Variants in P2RY6 observed in about 807,000 individuals in gnomAD.
P2RY6 encodes the protein P2Y purinoceptor 6.
A neutral mutation model predicts 16.3 loss-of-function variants in P2RY6; 19 were observed. That is an observed-to-expected ratio of 1.16 (90% CI 0.81 to 1.71). The LOEUF (loss-of-function observed/expected upper bound fraction) is 1.71, where lower values mean the gene tolerates loss of function less well. P2RY6 is among the 40% of genes most tolerant of loss of function. The pLI is 0.00. For synonymous variants in P2RY6, 184 were observed against 201.5 expected (o/e 0.91, Z 0.74); for missense variants, 389 against 455.5 (o/e 0.85, Z 1.33).
At chr11:73,275,710 T>C (rs1039025765) in intron 1 of P2RY6, among the ~76,000 whole-genome samples, 1 of 152,204 alleles carries the variant, frequency 6.6e-6, no homozygotes, top group Non-Finnish European at 1.5e-5. Flanking sequence ...GAAATGCCTC[T>C]GTTGTAAGAA....
chr11:73,291,388 C>T (rs995814308), intron 1 of P2RY6, among the ~76,000 whole-genome samples: 9 of 152,078 alleles, frequency 5.9e-5, no homozygotes, highest in Admixed American at 2.6e-4. Context: ...GGAGTGGGTA[C>T]GGGAGGTTGT....
chr11:73,265,916 A>C (rs1383702096), intron 1 of P2RY6, among the ~76,000 whole-genome samples: 2 of 152,208 alleles, frequency 1.3e-5, no homozygotes, highest in Admixed American at 1.3e-4. Context: ...TGTAAAATGT[A>C]GATGTGGATA....
intron 1 of P2RY6, among the ~76,000 whole-genome samples, chr11:73,273,428 G>C (rs1028203505): frequency 6.6e-6 from 1 of 152,146 alleles, no homozygotes; most frequent in African/African-American, 2.4e-5. Context: ...AAGCCCCTGG[G>C]TGTGTACGTG....
chr11:73,290,348 AAAGAAAGAAAGAAAG>A (rs1864181917), intron 1 of P2RY6, among the ~76,000 whole-genome samples: 1 of 142,164 alleles, frequency 7.0e-6, no homozygotes, highest in Non-Finnish European at 1.6e-5. Context: ...AGAAAGAAAG[AAAGAAAGAAAGAAAG>A]AAGGAAAGAA....
intron 1 of P2RY6, among the ~76,000 whole-genome samples, chr11:73,273,909 T>G (rs769239942): frequency 6.6e-6 from 1 of 152,220 alleles, no homozygotes; most frequent in Non-Finnish European, 1.5e-5. Flanking sequence ...CTGTCATTGC[T>G]TACTGTAACC....
rs1246758484 is a variant in P2RY6 at position 73,297,147 on chromosome 11, C to T, written c.629C>T (p.Ala210Val). The T allele has an allele frequency of 6.2e-7, 1 of 1,605,030 alleles. No homozygotes were observed. The highest frequency in any genetic ancestry group is 1.1e-5 in the South Asian group (1 of 91,088). ...GFLLPFAALL[A>V]CYCLLACRLC... ...CTGCTGCCCTTTGCTGCCCTGCTGGCCTGCTACTGTCTCCTGGCCTGCCGC... is the reference window on the plus strand; with the variant it reads ...CTGCTGCCCTTTGCTGCCCTGCTGGTCTGCTACTGTCTCCTGGCCTGCCGC... The change falls in exon 3 of 3, where the codon GCC becomes GTC. Residue 210 changes from alanine (A) to valine (V), a missense_variant. Physicochemically the swap from Ala to Val is moderately conservative, Grantham distance 64. Transcript: ENST00000540124.
chr11:73,296,810 G>T lies in P2RY6; in HGVS notation c.292G>T (p.Ala98Ser). ...TGATCACTGGCCCTTTGGCGACTTC[G>T]CCTGCCGCCTGGTCCGCTTCCTCTT... ...QGDHWPFGDF[A>S]CRLVRFLFYA... is the part of the protein sequence containing the mutation. Residue 98 changes from alanine (A) to serine (S), a missense_variant, in exon 3 of 3, where the codon GCC becomes TCC. Physicochemically the swap from Ala to Ser is moderately conservative, Grantham distance 99. Transcript: ENST00000540124. The T allele has an allele frequency of 6.2e-7, 1 of 1,610,450 alleles. No homozygotes were observed.
At position 73,280,301 on chromosome 11, in the gene P2RY6, C is replaced by T. The variant is rs1237098193; in HGVS notation, c.-121+7835C>T. ...TATAAAATGAAAATAATAACCAGTC[C>T]CACCTTGCGGGGTCCTTATGAGGAT... On this transcript the variant is annotated intron_variant, in intron 1 of 2. Coordinates refer to ENST00000540124, the MANE Select transcript of P2RY6 (RefSeq NM_001277204.2). Among the ~76,000 whole-genome samples, 4 of 152,152 alleles carry T rather than the reference C, an allele frequency of 2.6e-5. No homozygotes were observed. In the East Asian group the frequency reaches 7.7e-4, roughly 29 times the overall value.
intron 1 of P2RY6, among the ~76,000 whole-genome samples, chr11:73,278,107 G>A (rs1178017053): frequency 6.6e-6 from 1 of 152,040 alleles, no homozygotes; most frequent in Non-Finnish European, 1.5e-5. Flanking sequence ...GCACATTGTT[G>A]TGCAGCCATC....
At chr11:73,290,662 A>G (rs1864205817) in intron 1 of P2RY6, among the ~76,000 whole-genome samples, 1 of 152,256 alleles carries the variant, frequency 6.6e-6, no homozygotes, top group Non-Finnish European at 1.5e-5. Flanking sequence ...TGCCCTCTTC[A>G]GCCTTGTTAT....
chr11:73,282,016 C>T (rs1406576235), intron 1 of P2RY6, among the ~76,000 whole-genome samples: 2 of 152,226 alleles, frequency 1.3e-5, no homozygotes, highest in East Asian at 3.8e-4. Context: ...CAGCTCCCTG[C>T]AGGGCTACAG....
intron 1 of P2RY6, among the ~76,000 whole-genome samples, chr11:73,284,859 T>C (rs1863905365): frequency 6.6e-6 from 1 of 152,190 alleles, no homozygotes; most frequent in African/African-American, 2.4e-5. Flanking sequence ...TGGTGGAGTT[T>C]ATGTTCAGTC....
intron 1 of P2RY6, among the ~76,000 whole-genome samples, chr11:73,287,372 T>C (rs1864010253): frequency 6.6e-6 from 1 of 152,250 alleles, no homozygotes. Context: ...GTTACAGGCC[T>C]GAGGGGCCCA....
chr11:73,266,388 A>G (rs1182395193), intron 1 of P2RY6, among the ~76,000 whole-genome samples: 1 of 152,048 alleles, frequency 6.6e-6, no homozygotes, highest in South Asian at 2.1e-4. Flanking sequence ...GGCCCTGTGT[A>G]TGTGTGTGTT....
Position 73,287,598 on chromosome 11 carries a change from C to T in P2RY6, c.-120-8132C>T, listed in dbSNP as rs369391207. Among the ~76,000 whole-genome samples the T allele has an allele frequency of 2.5e-4, 38 of 152,370 alleles. No homozygotes were observed. In the East Asian group the frequency reaches 2.9e-3, roughly 12 times the overall value. On this transcript the variant is annotated intron_variant, in intron 1 of 2. Transcript: ENST00000540124. Reference sequence around the variant, plus strand: ...TGGACCTGGGCCATCTCTCCCCCCACGGACTGGAGCCTGGTTATCTGGGAG... The same window carrying T: ...TGGACCTGGGCCATCTCTCCCCCCATGGACTGGAGCCTGGTTATCTGGGAG...
Position 73,296,525 on chromosome 11 carries a change from T to C in P2RY6, c.7T>C (p.Trp3Arg), listed in dbSNP as rs141670218. Residue 3 changes from tryptophan (W) to arginine (R), a missense_variant, in exon 3 of 3, where the codon TGG (tryptophan) becomes CGG (arginine). By Grantham distance (101) the Trp-to-Arg change is moderately radical. Transcript: ENST00000540124. ...GAAACCCACCTGGGCAGCCATGGAA[T>C]GGGACAATGGCACAGGCCAGGCTCT... The part of the protein sequence containing the change: ME[W>R]DNGTGQALGL... 2.0e-5 allele frequency: 33 copies of C among 1,613,038 alleles called. No individual in the cohort carries two copies. The highest frequency in any genetic ancestry group is 1.7e-4 in the Admixed American group (10 of 60,018).
intron 1 of P2RY6, among the ~76,000 whole-genome samples, chr11:73,277,821 T>C (rs951565967): frequency 4.6e-5 from 7 of 152,226 alleles, no homozygotes; most frequent in African/African-American, 1.7e-4. Flanking sequence ...ACTATCTCTA[T>C]CTTTATCTTC....
intron 2 of P2RY6, among the ~76,000 whole-genome samples, chr11:73,296,231 AAAATAT>A (rs1461985378): frequency 9.8e-5 from 12 of 123,070 alleles, no homozygotes; most frequent in African/African-American, 5.2e-4. Context: ...AGGAAAAAAA[AAAATAT>A]ATATATATAT....
chr11:73,278,146 TTTTATTTA>T (rs59488451), intron 1 of P2RY6, among the ~76,000 whole-genome samples: 76 of 146,024 alleles, frequency 5.2e-4, no homozygotes, highest in South Asian at 4.1e-3. Flanking sequence ...TCCAGGACTG[TTTTATTTA>T]TTTATTTATT....
Sources: allele counts gnomAD v4.1 joint callset (sites outside exome capture counted in the v4.1 genomes callset), GRCh38; gene constraint gnomAD v4.1.1; transcripts MANE v1.5; gene names NCBI Gene and HGNC (gene_info 2026-07-23, HGNC 2026-07-21).